The following HEPHL1 variants were observed in gnomAD, a reference collection of about 807,000 sequenced individuals.
HEPHL1 encodes hephaestin like 1.
HEPHL1 carries 123 observed loss-of-function variants against 122.0 expected under a neutral mutation model. The ratio of observed to expected loss-of-function variants is 1.01; its 90% CI spans 0.87 to 1.17. HEPHL1 has a LOEUF of 1.17. Among genes scored for constraint, HEPHL1 ranks in the 50% most tolerant of loss-of-function variants. The pLI, the probability that HEPHL1 is intolerant of heterozygous loss-of-function variation, is 0.00. For synonymous variants in HEPHL1, 527 were observed against 508.9 expected, an observed-to-expected ratio of 1.04 and a Z score of -0.48; for missense variants, 1,452 against 1,430.5, an observed-to-expected ratio of 1.01 and a Z score of -0.24.
At chr11:94,082,016 T>C (rs376553673) in intron 9 of HEPHL1, among the ~76,000 whole-genome samples, 62 of 152,232 alleles carry the variant, frequency 4.1e-4, no homozygotes, top group African/African-American at 1.4e-3. Context: ...GTTGGTGTGT[T>C]CGTGGAAGGG....
intron 1 of HEPHL1, among the ~76,000 whole-genome samples, chr11:94,032,213 A>C (rs1484080008): frequency 6.6e-6 from 1 of 152,202 alleles, no homozygotes; most frequent in Admixed American, 6.5e-5. Context: ...GTGATGTTCC[A>C]GTGGCCTTTA....
chr11:94,100,618 C>G (rs2134451382), intron 13 of HEPHL1, among the ~76,000 whole-genome samples: 1 of 152,284 alleles, frequency 6.6e-6, no homozygotes, highest in African/African-American at 2.4e-5. Context: ...GATTTTATTT[C>G]CCTCTACTCT....
At chr11:94,077,672 C>T (rs1946137254) in intron 9 of HEPHL1, among the ~76,000 whole-genome samples, 1 of 152,360 alleles carries the variant, frequency 6.6e-6, no homozygotes, top group South Asian at 2.1e-4. Flanking sequence ...TCCTGTTCAA[C>T]ACTTCCAGTG....
chr11:94,053,962 G>A (rs1423323099), intron 2 of HEPHL1, among the ~76,000 whole-genome samples: 1 of 152,160 alleles, frequency 6.6e-6, no homozygotes, highest in Non-Finnish European at 1.5e-5. Context: ...CATCATTTAG[G>A]TATAATTGGT....
chr11:94,109,537 C>T (rs1355121113), intron 17 of HEPHL1, among the ~76,000 whole-genome samples: 1 of 152,074 alleles, frequency 6.6e-6, no homozygotes, highest in Non-Finnish European at 1.5e-5. Context: ...TAAATTTGCT[C>T]AGAGTTTTGA....
At chr11:94,029,511 G>C (rs565976683) in intron 1 of HEPHL1, among the ~76,000 whole-genome samples, 1 of 152,174 alleles carries the variant, frequency 6.6e-6, no homozygotes, top group East Asian at 1.9e-4. Context: ...GGAATCATTT[G>C]GTGATCTTAG....
intron 1 of HEPHL1, among the ~76,000 whole-genome samples, chr11:94,028,908 A>G (rs1392871482): frequency 6.6e-6 from 1 of 152,134 alleles, no homozygotes; most frequent in Non-Finnish European, 1.5e-5. Context: ...TATGTTCTCA[A>G]TGGGTGGTTT....
Position 94,093,554 on chromosome 11 carries a change from A to C in HEPHL1, c.2348A>C (p.Lys783Thr), listed in dbSNP as rs368691448. 1 of 1,613,702 alleles carries C rather than the reference A, an allele frequency of 6.2e-7. No homozygotes were observed. The highest frequency in any genetic ancestry group is 8.5e-7 in the Non-Finnish European group (1 of 1,179,846). ...RTENWIGSQY[K>T]KVVYREYTDG... ...GAAAATTGGATTGGCTCTCAGTACAAGAAGGTGGTTTACAGGGAATATACG... is the reference window on the plus strand; with the variant it reads ...GAAAATTGGATTGGCTCTCAGTACACGAAGGTGGTTTACAGGGAATATACG... Residue 783 changes from lysine to threonine, a missense_variant, in exon 13 of 20, where the codon AAG (lysine) becomes ACG (threonine). By Grantham distance (78) the Lys-to-Thr change is moderately conservative. Transcript: ENST00000315765.
intron 1 of HEPHL1, among the ~76,000 whole-genome samples, chr11:94,033,427 G>A (rs1172100641): frequency 6.6e-6 from 1 of 152,116 alleles, no homozygotes; most frequent in Non-Finnish European, 1.5e-5. Flanking sequence ...CGAAGACTCT[G>A]GAGCACTGTG....
intron 13 of HEPHL1, among the ~76,000 whole-genome samples, chr11:94,095,173 TA>T (rs1375072749): frequency 6.6e-6 from 1 of 152,220 alleles, no homozygotes; most frequent in Non-Finnish European, 1.5e-5. Context: ...AATTTTTGTA[TA>T]AGGTGTAAGG....
At chr11:94,077,634 C>T (rs546333944) in intron 9 of HEPHL1, among the ~76,000 whole-genome samples, 99 of 152,346 alleles carry the variant, frequency 6.5e-4, no homozygotes, top group African/African-American at 2.3e-3. Context: ...CATGATTTTT[C>T]TAAAGTGCAA....
intron 2 of HEPHL1, among the ~76,000 whole-genome samples, chr11:94,047,792 C>A (rs1282473239): frequency 6.6e-6 from 1 of 152,104 alleles, no homozygotes; most frequent in Admixed American, 6.5e-5. Context: ...TTAATGGTGT[C>A]CTGAAAAATC....
intron 2 of HEPHL1, among the ~76,000 whole-genome samples, chr11:94,053,039 A>T (rs1373285700): frequency 6.6e-6 from 1 of 151,930 alleles, no homozygotes; most frequent in Non-Finnish European, 1.5e-5. Context: ...TTTGTAAAGG[A>T]TTGGCATGGA....
chr11:94,024,068 A>G (rs1945604062), intron 1 of HEPHL1, among the ~76,000 whole-genome samples: 1 of 152,202 alleles, frequency 6.6e-6, no homozygotes. Flanking sequence ...TGATGTAATC[A>G]TGCCCCTCTC....
At chr11:94,044,672 C>G (rs191307688) in intron 1 of HEPHL1, among the ~76,000 whole-genome samples, 1 of 152,094 alleles carries the variant, frequency 6.6e-6, no homozygotes, top group African/African-American at 2.4e-5. Flanking sequence ...AGTGTCCTCA[C>G]TTTTCCCTTT....
chr11:94,098,113 A>C (rs1268692500), intron 13 of HEPHL1, among the ~76,000 whole-genome samples: 1 of 152,184 alleles, frequency 6.6e-6, no homozygotes, highest in East Asian at 1.9e-4. Flanking sequence ...CCTAGCATCG[A>C]TGATCTTTAC....
At chr11:94,035,186 T>C (rs1945710445) in intron 1 of HEPHL1, among the ~76,000 whole-genome samples, 1 of 152,178 alleles carries the variant, frequency 6.6e-6, no homozygotes, top group African/African-American at 2.4e-5. Context: ...TTCCTTCTAT[T>C]TGAGTAAGGT....
chr11:94,057,543 T>C (rs1454178348), intron 2 of HEPHL1, among the ~76,000 whole-genome samples: 2 of 152,128 alleles, frequency 1.3e-5, no homozygotes, highest in Non-Finnish European at 2.9e-5. Flanking sequence ...CTTGAATATA[T>C]TGTTGAGCTC....
intron 8 of HEPHL1, 100 bp downstream of exon 8, chr11:94,073,539 C>A: frequency 8.6e-7 from 1 of 1,159,644 alleles, no homozygotes; most frequent in Non-Finnish European, 1.2e-6. Flanking sequence ...CCATTACCTG[C>A]CCTGAGAGCT....
Sources: gnomAD v4.1 joint callset for allele counts (sites outside exome capture counted in the v4.1 genomes callset) on GRCh38, gnomAD v4.1.1 for gene constraint, MANE v1.5 for transcripts, NCBI Gene and HGNC (gene_info 2026-07-23, HGNC 2026-07-21) for gene names.